RUNX1: variants seen among roughly 807,000 people sequenced by gnomAD.
RUNX1 encodes RUNX family transcription factor 1, also known as runt-related transcription factor 1.
Under a neutral mutation model 42.8 loss-of-function variants are expected in RUNX1, and 19 were observed. The observed-to-expected ratio is 0.44, with a 90% CI of 0.31 to 0.65. The LOEUF (loss-of-function observed/expected upper bound fraction) is 0.65, where lower values mean the gene tolerates loss of function less well. RUNX1 is among the 30% of genes least tolerant of loss of function. The pLI is 0.07. For synonymous variants in RUNX1, 271 were observed against 289.4 expected (o/e 0.94, Z 0.64); for missense variants, 528 against 672.0 (o/e 0.79, Z 2.37).
chr21:35,025,843 T>C (rs2059231876), intron 2 of RUNX1, among the ~76,000 whole-genome samples: 1 of 152,164 alleles, frequency 6.6e-6, no homozygotes. Context: ...GAAACTCATA[T>C]GGTTCTCTGC....
chr21:34,898,114 C>T (rs2409561), intron 2 of RUNX1, among the ~76,000 whole-genome samples: 62,997 of 151,956 alleles, frequency 0.41, 15,724 homozygotes, highest in African/African-American at 0.71. Context: ...AGCAAGGAAA[C>T]GAGGGCCACT....
In RUNX1 at chr21:34,998,746, T is replaced by C. The variant is rs571518674; in HGVS notation, c.58+50096A>G. ...TTAGTAGAGATGGGGTTTCACCGAGTTAGCCAGGATGGTCTCAGTCTCCTG... is the reference window on the plus strand; with the variant it reads ...TTAGTAGAGATGGGGTTTCACCGAGCTAGCCAGGATGGTCTCAGTCTCCTG... On this transcript the variant is annotated intron_variant, in intron 2 of 8. Coordinates refer to ENST00000675419, the MANE Select transcript of RUNX1 (RefSeq NM_001754.5). Among the ~76,000 whole-genome samples the C allele has an allele frequency of 2.0e-5, 3 of 152,240 alleles. No homozygotes were observed. The East Asian group carries it at 5.8e-4, about 30-fold the overall frequency.
intron 2 of RUNX1, among the ~76,000 whole-genome samples, chr21:34,898,830 G>C (rs1205107736): frequency 6.6e-6 from 1 of 152,218 alleles, no homozygotes; most frequent in Non-Finnish European, 1.5e-5. Context: ...GAGATTCTTG[G>C]TTTCCCATAA....
intron 2 of RUNX1, among the ~76,000 whole-genome samples, chr21:34,944,862 C>A (rs1460977918): frequency 6.6e-6 from 1 of 152,078 alleles, no homozygotes; most frequent in Non-Finnish European, 1.5e-5. Context: ...ATGTTAATAC[C>A]TCCACTCTGA....
intron 2 of RUNX1, among the ~76,000 whole-genome samples, chr21:34,926,384 C>T (rs2146574264): frequency 7.5e-6 from 1 of 133,976 alleles, no homozygotes; most frequent in East Asian, 2.6e-4. Context: ...ACAGGAGGAT[C>T]CCTTGAACCC....
chr21:34,848,208 T>G (rs1279998896), intron 6 of RUNX1, among the ~76,000 whole-genome samples: 1 of 152,202 alleles, frequency 6.6e-6, no homozygotes, highest in Non-Finnish European at 1.5e-5. Context: ...GTGGGGAGGT[T>G]AATCTGATCC....
chr21:34,936,270 C>A (rs985450279), intron 2 of RUNX1, among the ~76,000 whole-genome samples: 2 of 151,906 alleles, frequency 1.3e-5, no homozygotes, highest in African/African-American at 4.8e-5. Context: ...TTCAGCCCCC[C>A]TCTTTTTTAA....
chr21:35,037,400 C>G (rs1484036311), intron 2 of RUNX1, among the ~76,000 whole-genome samples: 1 of 152,158 alleles, frequency 6.6e-6, no homozygotes, highest in African/African-American at 2.4e-5. Context: ...GGCCATAAAG[C>G]CACCAAATGC....
intron 2 of RUNX1, among the ~76,000 whole-genome samples, chr21:35,047,903 T>G (rs77398576): frequency 0.032 from 4,895 of 152,290 alleles, 132 homozygotes; most frequent in Non-Finnish European, 0.052. Context: ...TTTATGTTAT[T>G]ATTTTTGTTT....
chr21:34,797,731 T>C (rs1293127000), intron 8 of RUNX1, among the ~76,000 whole-genome samples: 1 of 152,210 alleles, frequency 6.6e-6, no homozygotes, highest in Non-Finnish European at 1.5e-5. Context: ...AATATTGGCA[T>C]TAATGGCCAA....
At chr21:34,842,868 A>G (rs2057260759) in intron 6 of RUNX1, among the ~76,000 whole-genome samples, 1 of 152,192 alleles carries the variant, frequency 6.6e-6, no homozygotes, top group Non-Finnish European at 1.5e-5. Context: ...GGAGTTCGAG[A>G]GCAGCCTAGC....
At chr21:34,919,738 T>C (rs1454542167) in intron 2 of RUNX1, among the ~76,000 whole-genome samples, 1 of 152,352 alleles carries the variant, frequency 6.6e-6, no homozygotes, top group East Asian at 1.9e-4. Flanking sequence ...TGGTAACTGA[T>C]GCTTGATAAT....
intron 2 of RUNX1, among the ~76,000 whole-genome samples, chr21:35,015,582 C>T (rs61520395): frequency 3.9e-5 from 6 of 152,264 alleles, no homozygotes; most frequent in African/African-American, 1.4e-4. Flanking sequence ...AACACAGCCA[C>T]TCATAACAAG....
intron 2 of RUNX1, among the ~76,000 whole-genome samples, chr21:35,023,076 A>G (rs2059211371): frequency 6.6e-6 from 1 of 151,506 alleles, no homozygotes; most frequent in Non-Finnish European, 1.5e-5. Flanking sequence ...TTCAGTAGCT[A>G]GGACTACAGG....
intron 2 of RUNX1, among the ~76,000 whole-genome samples, chr21:34,950,801 G>C: frequency 6.6e-6 from 1 of 152,216 alleles, no homozygotes; most frequent in Non-Finnish European, 1.5e-5. Context: ...GTGGTAGGCA[G>C]AGTACCTGTG....
intron 7 of RUNX1, among the ~76,000 whole-genome samples, chr21:34,807,568 T>C (rs1330134083): frequency 6.6e-6 from 1 of 152,188 alleles, no homozygotes; most frequent in African/African-American, 2.4e-5. Context: ...TGGAGGAATT[T>C]TTTCCCTCCT....
At chr21:34,979,330 CTT>C (rs11343211) in intron 2 of RUNX1, among the ~76,000 whole-genome samples, 2 of 145,996 alleles carry the variant, frequency 1.4e-5, no homozygotes, top group Admixed American at 6.8e-5. Flanking sequence ...ATAACCAATG[CTT>C]TTTTTTTTTG....
chr21:34,913,576 A>G (rs544636208), intron 2 of RUNX1, among the ~76,000 whole-genome samples: 149 of 152,086 alleles, frequency 9.8e-4, no homozygotes, highest in Non-Finnish European at 1.6e-3. Context: ...TCAAACTCAC[A>G]CTAATTTCAG....
intron 2 of RUNX1, among the ~76,000 whole-genome samples, chr21:34,944,287 C>T (rs1370485586): frequency 1.3e-5 from 2 of 152,200 alleles, no homozygotes; most frequent in African/African-American, 2.4e-5. Context: ...GGATTACAGG[C>T]ATGAGCCACT....
Sources: allele counts gnomAD v4.1 joint callset (sites outside exome capture counted in the v4.1 genomes callset), GRCh38; gene constraint gnomAD v4.1.1; transcripts MANE v1.5; gene names NCBI Gene and HGNC (gene_info 2026-07-23, HGNC 2026-07-21).